Variants in SORCS2 observed in about 807,000 individuals in gnomAD.
SORCS2 encodes the protein sortilin related VPS10 domain containing receptor 2.
A neutral mutation model predicts 141.6 loss-of-function variants in SORCS2; 100 were observed. That is an observed-to-expected ratio of 0.71 (90% CI 0.60 to 0.83). The LOEUF is 0.83. Among genes scored for constraint, SORCS2 ranks in the 40% least tolerant of loss-of-function variants. SORCS2 has a pLI of 0.00. For synonymous variants in SORCS2, 789 were observed against 676.9 expected, an observed-to-expected ratio of 1.17 and a Z score of -2.57; for missense variants, 1,646 against 1,560.2, an observed-to-expected ratio of 1.05 and a Z score of -0.93.
In SORCS2 at chr4:7,593,375, G is replaced by A. The variant is rs566260653; in HGVS notation, c.649-44953G>A. Among the ~76,000 whole-genome samples the A allele has an allele frequency of 3.9e-5, 6 of 152,300 alleles. No individual in the cohort carries two copies. In the East Asian group the frequency reaches 7.7e-4, roughly 20 times the overall value. On this transcript the variant is annotated intron_variant, in intron 3 of 26. Coordinates refer to ENST00000507866, the MANE Select transcript of SORCS2 (RefSeq NM_020777.3). The stretch of plus-strand genomic sequence containing the variant: ...TCACCTGCAGCAGAGCAGGTGAGGC[G>A]GGAGGTACTGTTGCAGTCTTCATTG...
At chr4:7,370,714 C>A (rs1382268109) in intron 1 of SORCS2, among the ~76,000 whole-genome samples, 1 of 152,200 alleles carries the variant, frequency 6.6e-6, no homozygotes, top group Non-Finnish European at 1.5e-5. Flanking sequence ...ACAGCCCTGA[C>A]AATGCCCTCC....
intron 11 of SORCS2, among the ~76,000 whole-genome samples, chr4:7,691,010 G>A (rs575166708): frequency 2.6e-5 from 4 of 152,268 alleles, no homozygotes; most frequent in African/African-American, 7.2e-5. Context: ...TGGGAGAATC[G>A]GGGAATACTT....
intron 1 of SORCS2, among the ~76,000 whole-genome samples, chr4:7,327,432 G>A (rs34261648): frequency 3.6e-4 from 54 of 152,104 alleles, no homozygotes; most frequent in Admixed American, 9.2e-4. Flanking sequence ...ACACAGGGAC[G>A]GGATTAGTAT....
Position 7,638,505 on chromosome 4 carries a change from G to C in SORCS2, c.813+13G>C, listed in dbSNP as rs765148127. The C allele has an allele frequency of 6.2e-7, 1 of 1,605,240 alleles. No individual in the cohort carries two copies. The highest frequency in any genetic ancestry group is 2.3e-5 in the East Asian group (1 of 44,102). ...AAAGGAGAGCAAGGTAAGATATATG[G>C]GTGCCAGTCGCCTGGTCTGTGGGGC... On this transcript the variant is annotated intron_variant, in intron 4 of 26. Transcript: ENST00000507866.
At chr4:7,243,453 G>T (rs182938949) in intron 1 of SORCS2, among the ~76,000 whole-genome samples, 127 of 152,250 alleles carry the variant, frequency 8.3e-4, no homozygotes, top group African/African-American at 3.0e-3. Flanking sequence ...GAGAGACAAG[G>T]CCAGACCAGC....
chr4:7,650,224 G>C (rs56298309), intron 4 of SORCS2, among the ~76,000 whole-genome samples: 1 of 152,300 alleles, frequency 6.6e-6, no homozygotes, highest in Non-Finnish European at 1.5e-5. Context: ...TCCATCTTCC[G>C]TCTGCACGAG....
chr4:7,616,012 A>T (rs982195996), intron 3 of SORCS2, among the ~76,000 whole-genome samples: 3 of 152,246 alleles, frequency 2.0e-5, no homozygotes, highest in Admixed American at 2.0e-4. Context: ...TACTAAAAAA[A>T]GTTACTTCTT....
intron 3 of SORCS2, among the ~76,000 whole-genome samples, chr4:7,552,103 A>T (rs968244155): frequency 2.0e-5 from 3 of 152,220 alleles, no homozygotes; most frequent in Non-Finnish European, 2.9e-5. Context: ...TCCCATATCA[A>T]TTAGCCATTA....
chr4:7,623,538 G>A (rs950087900), intron 3 of SORCS2, among the ~76,000 whole-genome samples: 1 of 152,036 alleles, frequency 6.6e-6, no homozygotes, highest in Non-Finnish European at 1.5e-5. Flanking sequence ...GGTAGGAGCC[G>A]GGGGCCTTCC....
At chr4:7,716,855 T>G (rs1726229320) in intron 17 of SORCS2, among the ~76,000 whole-genome samples, 1 of 152,244 alleles carries the variant, frequency 6.6e-6, no homozygotes, top group South Asian at 2.1e-4. Flanking sequence ...TCTCATACCA[T>G]CTGCACGCTG....
intron 18 of SORCS2, 61 bp from the exon 19 acceptor site, chr4:7,723,636 C>G: frequency 6.4e-7 from 1 of 1,565,686 alleles, no homozygotes; most frequent in Non-Finnish European, 8.8e-7. Context: ...AGTGAATGAA[C>G]CACTCTGGCC....
At position 7,664,664 on chromosome 4, in the gene SORCS2, A is replaced by G. The variant is rs539083500; in HGVS notation, c.1071+193A>G. Among the ~76,000 whole-genome samples, 13 of 152,296 alleles carry G rather than the reference A, an allele frequency of 8.5e-5. No individual in the cohort carries two copies. In the South Asian group the frequency reaches 2.7e-3, roughly 32 times the overall value. On this transcript the variant is annotated intron_variant, in intron 7 of 26. Coordinates refer to ENST00000507866, the MANE Select transcript of SORCS2 (RefSeq NM_020777.3). The surrounding 1 kb of genome is among the most constrained non-coding windows in gnomAD (Gnocchi z 4.7). Reference sequence around the variant, plus strand: ...TCCACAGAAGCCCTCGCAAGCCCAGAACTGTGGCTCAGGGACACTGAGGCT... The same window carrying G: ...TCCACAGAAGCCCTCGCAAGCCCAGGACTGTGGCTCAGGGACACTGAGGCT...
intron 17 of SORCS2, among the ~76,000 whole-genome samples, chr4:7,716,653 C>G (rs1265722181): frequency 6.6e-6 from 1 of 150,948 alleles, no homozygotes; most frequent in African/African-American, 2.4e-5. Context: ...ATCCATCTAT[C>G]CATCCACCAT....
rs114716395 is a variant in SORCS2 at position 7,536,261 on chromosome 4, G to A, written c.648+4632G>A. 9.3e-3 allele frequency among the ~76,000 whole-genome samples: 1,417 copies of A among 152,284 alleles called. 9 individuals are homozygous for A. Among genetic ancestry groups the A allele is most frequent in the Middle Eastern group, 0.02 (6 of 294 alleles). ...TTCCTTGTCTGTAGAGTGGGGTTGC[G>A]GTGGTGAATAAGGATTACCTGGGTT... On this transcript the variant is annotated intron_variant, in intron 3 of 26. Coordinates refer to ENST00000507866, the MANE Select transcript of SORCS2 (RefSeq NM_020777.3).
At chr4:7,700,354 G>A (rs2109009478) in intron 12 of SORCS2, among the ~76,000 whole-genome samples, 1 of 152,328 alleles carries the variant, frequency 6.6e-6, no homozygotes, top group East Asian at 1.9e-4. Context: ...TACCCAGTGG[G>A]CAAGTCACTG....
At chr4:7,671,115 G>C (rs1033980482) in intron 8 of SORCS2, among the ~76,000 whole-genome samples, 1 of 152,186 alleles carries the variant, frequency 6.6e-6, no homozygotes, top group East Asian at 1.9e-4. Flanking sequence ...GGCCTAGGAA[G>C]ATGTTAAGCT....
chr4:7,449,561 G>A (rs573742535), intron 2 of SORCS2, among the ~76,000 whole-genome samples: 33 of 151,392 alleles, frequency 2.2e-4, no homozygotes, highest in Admixed American at 1.3e-3. Context: ...GGGCTTCTGC[G>A]ACCCAGCACC....
intron 1 of SORCS2, among the ~76,000 whole-genome samples, chr4:7,376,620 G>C (rs374079813): frequency 7.3e-4 from 111 of 152,236 alleles, no homozygotes; most frequent in African/African-American, 2.6e-3. Context: ...CTAATACCCA[G>C]AGGTCATTAT....
chr4:7,451,997 C>T (rs1291735253), intron 2 of SORCS2, among the ~76,000 whole-genome samples: 2 of 152,180 alleles, frequency 1.3e-5, no homozygotes, highest in African/African-American at 4.8e-5. Flanking sequence ...GTGACCCAGG[C>T]CCTATTCTGT....
Sources: gnomAD v4.1 joint callset for allele counts (sites outside exome capture counted in the v4.1 genomes callset) on GRCh38, gnomAD v4.1.1 for gene constraint, Gnocchi (gnomAD v3.1) non-coding constraint, MANE v1.5 for transcripts, NCBI Gene and HGNC (gene_info 2026-07-23, HGNC 2026-07-21) for gene names.